The following FSTL5 variants were observed in gnomAD, a reference collection of about 807,000 sequenced individuals.
The protein encoded by FSTL5 is follistatin-related protein 5.
FSTL5 carries 62 observed loss-of-function variants against 89.1 expected under a neutral mutation model. That is an observed-to-expected ratio of 0.70 (90% confidence interval 0.57 to 0.86). FSTL5 has a LOEUF of 0.86. Ranked by LOEUF, FSTL5 falls within the 40% of genes least tolerant of loss-of-function variation. The pLI, the probability that FSTL5 is intolerant of heterozygous loss-of-function variation, is 0.00. For synonymous variants in FSTL5, 383 were observed against 346.2 expected (o/e 1.11, Z -1.18); for missense variants, 1,057 against 1,001.6 (o/e 1.06, Z -0.75).
At chr4:162,003,564 G>C (rs1050266697) in intron 3 of FSTL5, among the ~76,000 whole-genome samples, 1 of 152,116 alleles carries the variant, frequency 6.6e-6, no homozygotes, top group Non-Finnish European at 1.5e-5. Flanking sequence ...CAGGCAGAGA[G>C]GAAGGTAGAG....
chr4:162,004,214 A>C (rs1736547295), intron 3 of FSTL5, among the ~76,000 whole-genome samples: 1 of 152,160 alleles, frequency 6.6e-6, no homozygotes, highest in Non-Finnish European at 1.5e-5. Context: ...TCTTCTCTTT[A>C]AACATTTTCC....
Position 162,013,797 on chromosome 4 carries a change from C to CTT in FSTL5, c.160+19826_160+19827dup, listed in dbSNP as rs111692343. On this transcript the variant is annotated intron_variant, in intron 3 of 15. Coordinates refer to ENST00000306100, the MANE Select transcript of FSTL5 (RefSeq NM_020116.5). ...AGCCTAAATCAAACATGTATGGTGA[C>CTT]TTTTTTTTTTTTACTTCTGTTGGTA... Among the ~76,000 whole-genome samples the CTT allele has an allele frequency of 9.8e-3, 1,418 of 144,582 alleles. 15 individuals carry two copies. The highest frequency in any genetic ancestry group is 0.033 in the African/African-American group (1,304 of 39,618). The allele number at this position is 144,582 out of a possible 152,430, so 94.9% of individuals were successfully genotyped here. A position where few individuals can be genotyped will look rare whatever the true frequency, so the allele number is the denominator to read the frequency against.
intron 7 of FSTL5, among the ~76,000 whole-genome samples, chr4:161,623,762 T>G (rs946412855): frequency 4.6e-5 from 7 of 151,940 alleles, no homozygotes; most frequent in Non-Finnish European, 7.4e-5. Context: ...TTATTTCTAC[T>G]TAAAAAGCCT....
chr4:161,673,117 G>A (rs1450872500), intron 6 of FSTL5, among the ~76,000 whole-genome samples: 1 of 152,012 alleles, frequency 6.6e-6, no homozygotes, highest in Non-Finnish European at 1.5e-5. Flanking sequence ...TGGGAAAAAT[G>A]CTCTGTACGT....
chr4:161,870,382 C>A (rs2033405), intron 4 of FSTL5, among the ~76,000 whole-genome samples: 124,504 of 150,448 alleles, frequency 0.83, 52,000 homozygotes, highest in Non-Finnish European at 0.9. Flanking sequence ...AAAGAGAGAG[C>A]GAGAGGAGAG....
At chr4:161,479,708 C>T (rs866359537) in intron 13 of FSTL5, among the ~76,000 whole-genome samples, 4 of 152,030 alleles carry the variant, frequency 2.6e-5, no homozygotes, top group South Asian at 4.1e-4. Context: ...ACCTCAGGGC[C>T]TTAGGGTTTT....
chr4:161,755,182 G>A (rs1421869191), intron 6 of FSTL5, among the ~76,000 whole-genome samples: 1 of 151,440 alleles, frequency 6.6e-6, no homozygotes, highest in Admixed American at 6.6e-5. Context: ...CACACAATAA[G>A]GATTTATTTT....
chr4:161,483,199 G>A (rs919722745), intron 12 of FSTL5, among the ~76,000 whole-genome samples: 1 of 152,184 alleles, frequency 6.6e-6, no homozygotes, highest in African/African-American at 2.4e-5. Flanking sequence ...GAAATATACT[G>A]AATGTCAAGG....
chr4:161,733,580 C>T (rs976505660), intron 6 of FSTL5, among the ~76,000 whole-genome samples: 10 of 152,000 alleles, frequency 6.6e-5, no homozygotes, highest in Admixed American at 1.3e-4. Flanking sequence ...ACTTCTCAGT[C>T]GTAGAAAGAA....
intron 3 of FSTL5, among the ~76,000 whole-genome samples, chr4:161,947,755 C>T (rs1734775758): frequency 6.6e-6 from 1 of 151,664 alleles, no homozygotes; most frequent in African/African-American, 2.4e-5. Context: ...AAAGCTCTAC[C>T]AAAAAAAGTC....
chr4:161,386,520 C>G, intron 15 of FSTL5, 71 bp from the exon 16 acceptor site: 1 of 1,073,798 alleles, frequency 9.3e-7, no homozygotes, highest in South Asian at 1.6e-5. Flanking sequence ...AAACTAGATA[C>G]AGGTGGAAAG....
At chr4:161,752,359 TA>T (rs1365958420) in intron 6 of FSTL5, among the ~76,000 whole-genome samples, 1 of 152,194 alleles carries the variant, frequency 6.6e-6, no homozygotes, top group Non-Finnish European at 1.5e-5. Context: ...ATATTAATTC[TA>T]AAATCATAGA....
intron 11 of FSTL5, among the ~76,000 whole-genome samples, chr4:161,501,288 C>A (rs545944446): frequency 7.9e-5 from 12 of 151,930 alleles, no homozygotes; most frequent in Non-Finnish European, 1.3e-4. Context: ...GGCTTTCCAT[C>A]TATTGAGAAT....
chr4:161,460,374 G>A (rs1198843027), intron 13 of FSTL5, among the ~76,000 whole-genome samples: 3 of 91,192 alleles, frequency 3.3e-5, no homozygotes, highest in African/African-American at 9.5e-5. Context: ...ATCTCCTAAT[G>A]CTATCCCTCC....
At chr4:161,940,124 C>A (rs1344866359) in intron 3 of FSTL5, among the ~76,000 whole-genome samples, 2 of 151,742 alleles carry the variant, frequency 1.3e-5, no homozygotes, top group African/African-American at 4.8e-5. Flanking sequence ...AAAATTCTAT[C>A]CTCTAATAAA....
At chr4:161,462,541 A>C (rs1733617381) in intron 13 of FSTL5, among the ~76,000 whole-genome samples, 1 of 152,182 alleles carries the variant, frequency 6.6e-6, no homozygotes, top group Admixed American at 6.5e-5. Context: ...CAACAATAAT[A>C]ATAGTACCTT....
At chr4:162,048,996 T>C (rs1023783910) in intron 2 of FSTL5, among the ~76,000 whole-genome samples, 1 of 152,166 alleles carries the variant, frequency 6.6e-6, no homozygotes, top group Non-Finnish European at 1.5e-5. Context: ...GCTAAAACTC[T>C]TGAAGTGGTA....
intron 1 of FSTL5, among the ~76,000 whole-genome samples, chr4:162,157,181 C>T (rs1049103762): frequency 3.3e-5 from 5 of 152,006 alleles, no homozygotes; most frequent in African/African-American, 1.2e-4. Flanking sequence ...GACAAAGCTA[C>T]ATGATAAAGT....
At chr4:161,876,267 G>C (rs1323542860) in intron 4 of FSTL5, among the ~76,000 whole-genome samples, 4 of 152,010 alleles carry the variant, frequency 2.6e-5, no homozygotes, top group Admixed American at 2.6e-4. Flanking sequence ...TGAATATTTT[G>C]TAGAATATGC....
Sources: gnomAD v4.1 joint callset for allele counts (sites outside exome capture counted in the v4.1 genomes callset) on GRCh38, gnomAD v4.1.1 for gene constraint, MANE v1.5 for transcripts, NCBI Gene and HGNC (gene_info 2026-07-23, HGNC 2026-07-21) for gene names.